Variants in TRIM14 observed in about 807,000 individuals in gnomAD.
TRIM14 encodes the protein tripartite motif containing 14.
In TRIM14, 28 loss-of-function variants were observed where a neutral mutation model predicts 44.5. The ratio of observed to expected loss-of-function variants is 0.63; its 90% CI spans 0.47 to 0.86. The LOEUF (loss-of-function observed/expected upper bound fraction) is 0.86. Among genes scored for constraint, TRIM14 ranks in the 40% least tolerant of loss-of-function variants. The pLI is 0.00. For missense variants in TRIM14, 607 were observed against 611.1 expected, an observed-to-expected ratio of 0.99 and a Z score of 0.07; for synonymous variants, 299 against 269.2, an observed-to-expected ratio of 1.11 and a Z score of -1.08.
rs190815130 is a variant in TRIM14 at position 98,089,440 on chromosome 9, G to A, written c.794-1435C>T. Among the ~76,000 whole-genome samples, 1,020 of 152,280 alleles carry A rather than the reference G, an allele frequency of 6.7e-3. 7 individuals carry two copies. Among genetic ancestry groups the A allele is most frequent in the Non-Finnish European group, 0.011 (772 of 68,004 alleles). On this transcript the variant is annotated intron_variant, in intron 5 of 5. Transcript: ENST00000341469. ...GATCCGCCTGCCTCAGCCTCCCAAA[G>A]TGCTGTGGTTACAGGTGTGAGCCAC... is the stretch of plus-strand genomic sequence containing the variant.
downstream of TRIM14, chr9:98,082,094 A>C (rs1468076967): frequency 1.3e-5 from 2 of 152,184 alleles, no homozygotes; most frequent in Non-Finnish European, 2.9e-5. Context: ...TAAAACACGT[A>C]ATTTATTTGA....
intron 1 of TRIM14, among the ~76,000 whole-genome samples, chr9:98,112,307 G>A (rs540198534): frequency 2.6e-4 from 39 of 152,164 alleles, no homozygotes; most frequent in Non-Finnish European, 5.4e-4. Flanking sequence ...TTGAAAGAGA[G>A]TAATTTTTCT....
chr9:98,107,835 G>C (rs888637453), intron 2 of TRIM14, among the ~76,000 whole-genome samples: 1 of 125,362 alleles, frequency 8.0e-6, no homozygotes, highest in African/African-American at 3.1e-5. Context: ...GCATTTTTTT[G>C]TATTTTTTTT....
downstream of TRIM14, among the ~76,000 whole-genome samples, chr9:98,065,800 C>A (rs7846772): frequency 0.29 from 44,725 of 151,810 alleles, 8,307 homozygotes; most frequent in African/African-American, 0.52. Flanking sequence ...GTGCTATTCT[C>A]ATGATAGTGA....
chr9:98,113,038 T>C (rs1826910438), intron 1 of TRIM14, among the ~76,000 whole-genome samples: 1 of 136,820 alleles, frequency 7.3e-6, no homozygotes, highest in African/African-American at 2.8e-5. Context: ...TGCTTGTACC[T>C]GGGAGGTGGA....
intron 2 of TRIM14, among the ~76,000 whole-genome samples, chr9:98,106,759 A>T (rs771078958): frequency 6.6e-6 from 1 of 152,146 alleles, no homozygotes; most frequent in African/African-American, 2.4e-5. Context: ...ATTCTCCCCA[A>T]ATTGATAAAC....
downstream of TRIM14, chr9:98,081,087 G>A: frequency 6.2e-7 from 1 of 1,614,104 alleles, no homozygotes; most frequent in Non-Finnish European, 8.5e-7. Flanking sequence ...GAGAAGGTGT[G>A]TCCTGCCGGA....
the TRIM14 span, among the ~76,000 whole-genome samples, chr9:98,053,916 C>T: frequency 2.0e-5 from 3 of 152,114 alleles, no homozygotes; most frequent in African/African-American, 4.8e-5. Flanking sequence ...CATGGAGAAC[C>T]GAATTAACAT....
intron 3 of TRIM14, among the ~76,000 whole-genome samples, chr9:98,096,819 C>T (rs1587954883): frequency 2.6e-5 from 4 of 152,270 alleles, no homozygotes; most frequent in Admixed American, 2.6e-4. Flanking sequence ...ATCCTGGCCT[C>T]CTCTGTCCAT....
At chr9:98,100,844 AAT>A (rs1265384895) in intron 2 of TRIM14, among the ~76,000 whole-genome samples, 8 of 152,162 alleles carry the variant, frequency 5.3e-5, no homozygotes, top group Admixed American at 2.0e-4. Flanking sequence ...TAATTAAAAT[AAT>A]ATGAGATTTT....
the TRIM14 span, among the ~76,000 whole-genome samples, chr9:98,058,436 A>G: frequency 6.6e-6 from 1 of 152,194 alleles, no homozygotes; most frequent in Non-Finnish European, 1.5e-5. Context: ...GACTTAGGCA[A>G]GGTCACATAG....
intron 2 of TRIM14, among the ~76,000 whole-genome samples, chr9:98,108,879 C>CT (rs5899334): frequency 0.26 from 31,252 of 120,204 alleles, 4,507 homozygotes; most frequent in East Asian, 0.3. Flanking sequence ...TCAGGGGTTC[C>CT]TTTTTTTTTT....
chr9:98,065,952 G>A (rs1829135940), downstream of TRIM14, among the ~76,000 whole-genome samples: 1 of 152,112 alleles, frequency 6.6e-6, no homozygotes, highest in Non-Finnish European at 1.5e-5. Flanking sequence ...GAAACTGTAA[G>A]TCCAATTACA....
In TRIM14 at chr9:98,087,434, C is replaced by T. The variant is rs767373356; in HGVS notation, c.*36G>A. Reference sequence around the variant, plus strand: ...TAGATTAGGCGAGACTGGGCAGCTGCGGCGTACCTGGAGGCTGTCACGCCG... The same window carrying T: ...TAGATTAGGCGAGACTGGGCAGCTGTGGCGTACCTGGAGGCTGTCACGCCG... On this transcript the variant is annotated 3_prime_UTR_variant, in exon 6 of 6. Transcript: ENST00000341469. 6.2e-7 allele frequency: 1 copy of T among 1,606,910 alleles called. No individual in the cohort carries two copies. The highest frequency in any genetic ancestry group is 8.5e-7 in the Non-Finnish European group (1 of 1,175,478).
intron 6 of TRIM14, chr9:98,076,590 G>C: frequency 3.7e-6 from 1 of 270,634 alleles, no homozygotes; most frequent in Non-Finnish European, 7.0e-6. Flanking sequence ...GGTCAGGCTA[G>C]TCTCAAACTC....
At chr9:98,105,433 G>T (rs1376067366) in intron 2 of TRIM14, among the ~76,000 whole-genome samples, 2 of 152,178 alleles carry the variant, frequency 1.3e-5, no homozygotes, top group Non-Finnish European at 1.5e-5. Flanking sequence ...ACAAAAATTA[G>T]CCAGGCACGG....
Position 98,114,350 on chromosome 9 carries a change from T to C in TRIM14, c.208-4366A>G, listed in dbSNP as rs191403450. Reference sequence around the variant, plus strand: ...CATCCACAGACAATTTGTTTTTTTTTTGAGACAGAGTCTCATTCTGTCGCC... The same window carrying C: ...CATCCACAGACAATTTGTTTTTTTTCTGAGACAGAGTCTCATTCTGTCGCC... On this transcript the variant is annotated intron_variant, in intron 1 of 5. Coordinates refer to ENST00000341469, the MANE Select transcript of TRIM14 (RefSeq NM_014788.4). Among the ~76,000 whole-genome samples the C allele has an allele frequency of 8.5e-5, 13 of 152,318 alleles. No homozygotes were observed. In the East Asian group the frequency reaches 2.5e-3, roughly 29 times the overall value.
At chr9:98,081,073 C>T (rs761047478), downstream of TRIM14, 3 of 1,614,138 alleles carry the variant, frequency 1.9e-6, no homozygotes, top group South Asian at 3.3e-5. Flanking sequence ...AGATGGCCTG[C>T]AATGAGAAGG....
intron 2 of TRIM14, among the ~76,000 whole-genome samples, chr9:98,106,276 G>GA (rs571779776): frequency 4.1e-4 from 62 of 152,272 alleles, no homozygotes; most frequent in Non-Finnish European, 8.4e-4. Flanking sequence ...GCATATACAG[G>GA]AAAAAAATCT....
Sources: allele counts gnomAD v4.1 joint callset (sites outside exome capture counted in the v4.1 genomes callset), GRCh38; gene constraint gnomAD v4.1.1; transcripts MANE v1.5; gene names NCBI Gene and HGNC (gene_info 2026-07-23, HGNC 2026-07-21).